The following PPP6R2 variants were observed in gnomAD, a reference collection of about 807,000 sequenced individuals.
PPP6R2 encodes protein phosphatase 6 regulatory subunit 2.
In PPP6R2, 62 loss-of-function variants were observed where a neutral mutation model predicts 100.2. That is an observed-to-expected ratio of 0.62 (90% CI 0.50 to 0.76). The LOEUF is 0.76. Ranked by LOEUF, PPP6R2 falls within the 30% of genes least tolerant of loss-of-function variation. The pLI is 0.00. For missense variants in PPP6R2, 1,142 were observed against 1,276.3 expected (o/e 0.89, Z 1.60); for synonymous variants, 525 against 514.7 (o/e 1.02, Z -0.27).
Position 50,423,475 on chromosome 22 carries a change from T to C in PPP6R2, c.986T>C (p.Leu329Pro). Reference sequence around the variant, plus strand: ...CTGTGTTTGCAGAAGAAAGCGATCCTGACCACCATTGGTGTGCTGGAGGAG... The same window carrying C: ...CTGTGTTTGCAGAAGAAAGCGATCCCGACCACCATTGGTGTGCTGGAGGAG... ...LLNPPKKKAI[L>P]TTIGVLEEPL... Residue 329 changes from leucine to proline, a missense_variant, in exon 10 of 24, where the codon CTG becomes CCG. Leu to Pro is a moderately conservative substitution (Grantham distance 98, BLOSUM62 -3). This residue lies in a region of PPP6R2 where 592 missense variants were observed against 758.9 expected (regional missense o/e 0.78). Coordinates refer to ENST00000612753, the MANE Select transcript of PPP6R2 (RefSeq NM_001242898.2). The surrounding 1 kb of genome is among the most constrained non-coding windows in gnomAD (Gnocchi z 4.8). The C allele has an allele frequency of 6.2e-7, 1 of 1,614,240 alleles. No individual in the cohort carries two copies. The highest frequency in any genetic ancestry group is 1.3e-5 in the African/African-American group (1 of 75,074).
chr22:50,443,228 A>C (rs915896230), intron 22 of PPP6R2: 3 of 152,712 alleles, frequency 2.0e-5, no homozygotes, highest in African/African-American at 7.2e-5. Context: ...AGGGAATATC[A>C]TTGTGCAAAG....
the PPP6R2 span, among the ~76,000 whole-genome samples, chr22:50,338,278 GGTGTGTTTGTGGTGTGTA>G: frequency 2.8e-5 from 4 of 141,678 alleles, no homozygotes; most frequent in South Asian, 2.3e-4. Context: ...TGAAGTGTGT[GGTGTGTTTGTGGTGTGTA>G]GTGTGTGGTG....
chr22:50,354,132 C>G (rs1455080505), intron 1 of PPP6R2, among the ~76,000 whole-genome samples: 1 of 151,832 alleles, frequency 6.6e-6, no homozygotes, highest in Non-Finnish European at 1.5e-5. Flanking sequence ...TGGTGAAACC[C>G]TGTCTCTACT....
intron 3 of PPP6R2, among the ~76,000 whole-genome samples, chr22:50,397,925 T>C (rs76623845): frequency 0.024 from 1,526 of 64,096 alleles, 3 homozygotes; most frequent in African/African-American, 0.062. Flanking sequence ...CTCACCAGCC[T>C]TGTCATCTCT....
rs1255172795 is a variant in PPP6R2 at position 50,358,279 on chromosome 22, T to G, written c.-147-13741T>G. ...CTCCTGTTTGTTTATTTTGTTTTGT[T>G]GTTTCTTATTTGTTAATGGTATCTT... On this transcript the variant is annotated intron_variant, in intron 1 of 23. Coordinates refer to ENST00000612753, the MANE Select transcript of PPP6R2 (RefSeq NM_001242898.2). 2.0e-5 allele frequency among the ~76,000 whole-genome samples: 3 copies of G among 152,230 alleles called. No homozygotes were observed. The East Asian group carries it at 5.8e-4, about 29-fold the overall frequency.
chr22:50,379,807 G>A (rs74664523), intron 2 of PPP6R2, among the ~76,000 whole-genome samples: 2,187 of 152,110 alleles, frequency 0.014, 22 homozygotes, highest in East Asian at 0.034. Flanking sequence ...GTGAGCCTTG[G>A]AAGTTGACAT....
chr22:50,399,386 G>A (rs1210685803), intron 3 of PPP6R2, among the ~76,000 whole-genome samples: 3 of 152,190 alleles, frequency 2.0e-5, no homozygotes, highest in Non-Finnish European at 4.4e-5. Flanking sequence ...AAATGGATGG[G>A]GCTACATTCC....
In PPP6R2 at chr22:50,425,315, A is replaced by T. The variant is rs569064022; in HGVS notation, c.1125+1701A>T. Among the ~76,000 whole-genome samples, 4 of 152,344 alleles carry T rather than the reference A, an allele frequency of 2.6e-5. No individual in the cohort carries two copies. The East Asian group carries it at 7.7e-4, about 29-fold the overall frequency. ...GTGCCCAAGGTTCATTCAGTATTGT[A>T]CTGTATGTCCAAATTTCCTTCCTTT... On this transcript the variant is annotated intron_variant, in intron 10 of 23. Transcript: ENST00000612753.
At chr22:50,332,446 G>A in the PPP6R2 span, among the ~76,000 whole-genome samples, 5 of 151,288 alleles carry the variant, frequency 3.3e-5, no homozygotes, top group African/African-American at 1.2e-4. Context: ...TAGCCAGGAT[G>A]GTCTTGATCT....
At chr22:50,402,138 G>A (rs1397605238) in intron 3 of PPP6R2, among the ~76,000 whole-genome samples, 3 of 151,768 alleles carry the variant, frequency 2.0e-5, no homozygotes, top group Non-Finnish European at 4.4e-5. Flanking sequence ...CATAAGTGGG[G>A]CCCTAGATCC....
At chr22:50,334,297 T>A in the PPP6R2 span, among the ~76,000 whole-genome samples, 1 of 152,168 alleles carries the variant, frequency 6.6e-6, no homozygotes, top group Non-Finnish European at 1.5e-5. Flanking sequence ...GACCAAGGAG[T>A]CCTCTAGAGG....
At chr22:50,439,349 C>T (rs1306881785) in intron 19 of PPP6R2, among the ~76,000 whole-genome samples, 2 of 152,232 alleles carry the variant, frequency 1.3e-5, no homozygotes, top group East Asian at 1.9e-4. Flanking sequence ...AGGAAGGGGC[C>T]AGTGGTGCTC....
At chr22:50,442,439 C>T (rs1569500858) in intron 22 of PPP6R2, among the ~76,000 whole-genome samples, 3 of 152,242 alleles carry the variant, frequency 2.0e-5, no homozygotes, top group Admixed American at 6.5e-5. Flanking sequence ...GGGCCAAGGC[C>T]GTTTCCCGAT....
In PPP6R2 at chr22:50,443,903, T is replaced by A; in HGVS notation, c.2617T>A (p.Cys873Ser). 6.3e-7 allele frequency: 1 copy of A among 1,590,790 alleles called. No individual in the cohort carries two copies. The highest frequency in any genetic ancestry group is 1.7e-4 in the Middle Eastern group (1 of 5,726). The change falls in exon 23 of 24, where the codon TGC becomes AGC. Residue 873 changes from cysteine to serine, a missense_variant. Transcript: ENST00000612753. ...TGACAGCCGGCTGTTAAGCCCTGCC[T>A]GCCCCGCGCCAAAGGAAGTGACTGC... ...CADSRLLSPACPAPKEVTAAP... is the reference protein window; with the variant it reads ...CADSRLLSPASPAPKEVTAAP...
intron 3 of PPP6R2, among the ~76,000 whole-genome samples, chr22:50,401,004 G>C (rs1056267342): frequency 3.9e-5 from 6 of 152,052 alleles, no homozygotes; most frequent in Admixed American, 3.3e-4. Context: ...CTACATCTGA[G>C]AGACTTCTTC....
intron 10 of PPP6R2, among the ~76,000 whole-genome samples, chr22:50,424,249 T>C (rs1036083221): frequency 6.6e-6 from 1 of 152,144 alleles, no homozygotes. Context: ...TCTGCCTGGC[T>C]CTGGGGCTCT....
chr22:50,437,190 C>A, intron 15 of PPP6R2, 122 bp downstream of exon 15: 1 of 1,017,546 alleles, frequency 9.8e-7, no homozygotes, highest in Non-Finnish European at 1.5e-6. Flanking sequence ...GGGCTCGTCT[C>A]CGAGCACGTA....
chr22:50,408,896 C>T (rs1052012195), intron 4 of PPP6R2, among the ~76,000 whole-genome samples: 4 of 152,190 alleles, frequency 2.6e-5, no homozygotes, highest in Admixed American at 6.5e-5. Flanking sequence ...GAGTGGATCA[C>T]CTGAGGTCAG....
intron 3 of PPP6R2, among the ~76,000 whole-genome samples, chr22:50,401,014 C>T: frequency 6.6e-6 from 1 of 152,184 alleles, no homozygotes; most frequent in East Asian, 1.9e-4. Context: ...GAGACTTCTT[C>T]ATCTTTTAAG....
Sources: allele counts gnomAD v4.1 joint callset (sites outside exome capture counted in the v4.1 genomes callset), GRCh38; gene constraint gnomAD v4.1.1; regional missense constraint gnomAD v4.1.1; non-coding constraint Gnocchi (gnomAD v3.1); transcripts MANE v1.5; gene names NCBI Gene and HGNC (gene_info 2026-07-23, HGNC 2026-07-21).